ATP13A4: variants seen among roughly 807,000 people sequenced by gnomAD.
The protein encoded by ATP13A4 is probable cation-transporting ATPase 13A4.
In ATP13A4, 114 loss-of-function variants were observed where a neutral mutation model predicts 142.5. That is an observed-to-expected ratio of 0.80 (90% CI 0.69 to 0.93). The LOEUF (loss-of-function observed/expected upper bound fraction) is 0.93. ATP13A4 is among the 40% of genes least tolerant of loss of function. The pLI is 0.00. For missense variants in ATP13A4, 1,392 were observed against 1,454.0 expected, an observed-to-expected ratio of 0.96 and a Z score of 0.69; for synonymous variants, 488 against 514.8, an observed-to-expected ratio of 0.95 and a Z score of 0.70.
intron 2 of ATP13A4, among the ~76,000 whole-genome samples, chr3:193,564,903 T>C (rs1463499936): frequency 6.6e-6 from 1 of 152,114 alleles, no homozygotes; most frequent in East Asian, 1.9e-4. Context: ...GCACAAACCC[T>C]ACTGTGAACT....
intron 25 of ATP13A4, among the ~76,000 whole-genome samples, chr3:193,429,144 G>A (rs1297070251): frequency 6.6e-6 from 1 of 151,978 alleles, no homozygotes; most frequent in Non-Finnish European, 1.5e-5. Context: ...AATAATCTTT[G>A]TCCATTAAAT....
At chr3:193,573,328 A>AT (rs1288920834) in intron 2 of ATP13A4, among the ~76,000 whole-genome samples, 1 of 53,170 alleles carries the variant, frequency 1.9e-5, no homozygotes, top group African/African-American at 9.0e-5. Flanking sequence ...TATATATATA[A>AT]TTTGTATCTA....
intron 24 of ATP13A4, among the ~76,000 whole-genome samples, chr3:193,434,738 C>T (rs1576956941): frequency 1.3e-5 from 2 of 152,116 alleles, no homozygotes; most frequent in African/African-American, 4.8e-5. Context: ...TTGGTTAATA[C>T]GGTAATCTCA....
At chr3:193,468,424 G>A (rs1401916591) in intron 9 of ATP13A4, among the ~76,000 whole-genome samples, 1 of 152,154 alleles carries the variant, frequency 6.6e-6, no homozygotes, top group Non-Finnish European at 1.5e-5. Flanking sequence ...ACAGCTGGCA[G>A]TGGGGATAGA....
intron 2 of ATP13A4, among the ~76,000 whole-genome samples, chr3:193,563,434 A>G (rs1724061140): frequency 6.6e-6 from 1 of 152,242 alleles, no homozygotes; most frequent in African/African-American, 2.4e-5. Flanking sequence ...TAAGAAGTCC[A>G]CAGAAACCAA....
At chr3:193,489,891 A>T (rs748410303) in intron 6 of ATP13A4, 27 bp from the exon 7 acceptor site, 2 of 1,608,892 alleles carry the variant, frequency 1.2e-6, no homozygotes, top group South Asian at 2.2e-5. Flanking sequence ...AAACAGGAAG[A>T]CAAGGGAGAG....
chr3:193,552,844 C>G (rs547636204), intron 1 of ATP13A4, among the ~76,000 whole-genome samples: 1 of 152,334 alleles, frequency 6.6e-6, no homozygotes, highest in South Asian at 2.1e-4. Flanking sequence ...ATCACAGCAT[C>G]TACCTCATAG....
chr3:193,516,533 CCA>C (rs1295274508), intron 1 of ATP13A4, among the ~76,000 whole-genome samples: 1 of 152,188 alleles, frequency 6.6e-6, no homozygotes, highest in Non-Finnish European at 1.5e-5. Flanking sequence ...TCTCTTAATC[CCA>C]CACAGAGCAG....
intron 2 of ATP13A4, among the ~76,000 whole-genome samples, chr3:193,574,749 C>G (rs932917418): frequency 6.6e-6 from 1 of 152,054 alleles, no homozygotes; most frequent in Admixed American, 6.6e-5. Flanking sequence ...AGATCTCAAG[C>G]CTGAGTCTGA....
chr3:193,445,190 C>G (rs1398508567), intron 18 of ATP13A4, among the ~76,000 whole-genome samples: 1 of 152,168 alleles, frequency 6.6e-6, no homozygotes, highest in South Asian at 2.1e-4. Context: ...GTAGTCCCAG[C>G]ACTTTGGGAG....
At chr3:193,573,268 T>G in intron 2 of ATP13A4, among the ~76,000 whole-genome samples, 1 of 98,534 alleles carries the variant, frequency 1.0e-5, no homozygotes, top group East Asian at 2.5e-4. Context: ...GCCATATATA[T>G]ATATATACAT....
rs756244657 is a variant in ATP13A4 at position 193,466,231 on chromosome 3, G to C, written c.1115-49C>G. On this transcript the variant is annotated intron_variant, in intron 10 of 29. Coordinates refer to ENST00000342695, the MANE Select transcript of ATP13A4 (RefSeq NM_032279.4). ...ACACTCTCAGGAGACCAACGCTACT[G>C]CTAGCTCTTCCAAACCTCAACACTG... 1.9e-6 allele frequency: 3 copies of C among 1,608,530 alleles called. No individual in the cohort carries two copies. The East Asian group carries it at 6.7e-5, about 36-fold the overall frequency.
chr3:193,531,117 G>C (rs80179349), intron 1 of ATP13A4, among the ~76,000 whole-genome samples: 1 of 151,978 alleles, frequency 6.6e-6, no homozygotes, highest in Non-Finnish European at 1.5e-5. Context: ...GGAGTGGGTC[G>C]TGGCTTCTCC....
In ATP13A4 at chr3:193,465,113, C is replaced by T; in HGVS notation, c.1288G>A (p.Val430Met). 6.2e-7 allele frequency: 1 copy of T among 1,614,010 alleles called. No homozygotes were observed. Among genetic ancestry groups the T allele is most frequent in the Non-Finnish European group, 8.5e-7 (1 of 1,179,972 alleles). ...ATGACGTCAAGGGCTTTCCTCACCACCTCCTCTGGAGGTTCCTGGACGACA... is the reference window on the plus strand; with the variant it reads ...ATGACGTCAAGGGCTTTCCTCACCATCTCCTCTGGAGGTTCCTGGACGACA... ...YVLSGEPPEE[V>M]VRKALDVITI... The change falls in exon 12 of 30, where the codon GTG becomes ATG. Residue 430 changes from valine (V) to methionine (M), a missense_variant. By Grantham distance (21) the Val-to-Met change is conservative. Coordinates refer to ENST00000342695, the MANE Select transcript of ATP13A4 (RefSeq NM_032279.4).
At chr3:193,588,149 C>T (rs978011693) in intron 1 of ATP13A4, among the ~76,000 whole-genome samples, 1 of 152,082 alleles carries the variant, frequency 6.6e-6, no homozygotes, top group Admixed American at 6.6e-5. Flanking sequence ...AATAAATAAA[C>T]AAACATTATA....
rs1040176654 is a variant in ATP13A4, at chr3:193,483,852, T to A, written c.808+84A>T. Reference sequence around the variant, plus strand: ...GGAGAAATGAATATGAAGATGGGAATAACAGCAGCAATCAGAAATACAAAT... The same window carrying A: ...GGAGAAATGAATATGAAGATGGGAAAAACAGCAGCAATCAGAAATACAAAT... On this transcript the variant is annotated intron_variant, in intron 8 of 29. Transcript: ENST00000342695. The A allele has an allele frequency of 2.7e-6, 3 of 1,111,974 alleles. No homozygotes were observed. In the African/African-American group the frequency reaches 4.6e-5, roughly 17 times the overall value. 68.9% of individuals were successfully genotyped at this position (1,111,974 alleles called of 1,614,324 possible). A position where few individuals can be genotyped will look rare whatever the true frequency, so the allele number is the denominator to read the frequency against.
Position 193,538,720 on chromosome 3 carries a change from C to A in ATP13A4, c.60+16020G>T, listed in dbSNP as rs569650416. Among the ~76,000 whole-genome samples, 23 of 151,430 alleles carry A rather than the reference C, an allele frequency of 1.5e-4. No homozygotes were observed. The Middle Eastern group carries it at 0.014, about 90-fold the overall frequency. Reference sequence around the variant, plus strand: ...AATAACAATATTAATAATATGAGACCAAAAAGGAAATGAGCAGGAATCAAC... The same window carrying A: ...AATAACAATATTAATAATATGAGACAAAAAAGGAAATGAGCAGGAATCAAC... On this transcript the variant is annotated intron_variant, in intron 1 of 29. Coordinates refer to ENST00000342695, the MANE Select transcript of ATP13A4 (RefSeq NM_032279.4).
In ATP13A4 at chr3:193,491,349, A is replaced by C; in HGVS notation, c.583T>G (p.Trp195Gly). 1 of 1,602,226 alleles carries C rather than the reference A, an allele frequency of 6.2e-7. No individual in the cohort carries two copies. Among genetic ancestry groups the C allele is most frequent in the Non-Finnish European group, 8.6e-7 (1 of 1,169,558 alleles). The change falls in exon 6 of 30, where the codon TGG becomes GGG. Residue 195 changes from tryptophan (W) to glycine (G), a missense_variant. Transcript: ENST00000342695. ...NTIDVEVTPI[W>G]KLLIKEVLNP... ...ATTACCTCCTTGATGAGCAGTTTCC[A>C]AATTGGTGTAACTTCAACATCGATA... is the stretch of plus-strand genomic sequence containing the variant.
intron 10 of ATP13A4, among the ~76,000 whole-genome samples, chr3:193,466,950 G>T (rs1054343752): frequency 6.6e-6 from 1 of 152,050 alleles, no homozygotes; most frequent in African/African-American, 2.4e-5. Context: ...AAAAAAAATG[G>T]AAAGAATGAA....
Sources: allele counts gnomAD v4.1 joint callset (sites outside exome capture counted in the v4.1 genomes callset), GRCh38; gene constraint gnomAD v4.1.1; transcripts MANE v1.5; gene names NCBI Gene and HGNC (gene_info 2026-07-23, HGNC 2026-07-21).